CDH20: variants seen among roughly 807,000 people sequenced by gnomAD.
The protein encoded by CDH20 is cadherin-20.
In CDH20, 29 loss-of-function variants were observed where a neutral mutation model predicts 74.2. That is an observed-to-expected ratio of 0.39 (90% CI 0.29 to 0.53). CDH20 has a LOEUF of 0.53. Among genes scored for constraint, CDH20 ranks in the 20% least tolerant of loss-of-function variants. CDH20 has a pLI of 0.69. For missense variants in CDH20, 988 were observed against 1,048.3 expected (o/e 0.94, Z 0.79); for synonymous variants, 469 against 405.4 (o/e 1.16, Z -1.88).
intron 1 of CDH20, among the ~76,000 whole-genome samples, chr18:61,382,522 T>A (rs1911466415): frequency 2.0e-5 from 3 of 152,192 alleles, no homozygotes; most frequent in Non-Finnish European, 4.4e-5. Flanking sequence ...GGGCTTTAAA[T>A]GTGGTAACAG....
At chr18:61,372,898 T>C (rs1246983368) in intron 1 of CDH20, among the ~76,000 whole-genome samples, 1 of 152,142 alleles carries the variant, frequency 6.6e-6, no homozygotes, top group Non-Finnish European at 1.5e-5. Flanking sequence ...GTATATTCTC[T>C]GTCCATGATA....
intron 1 of CDH20, among the ~76,000 whole-genome samples, chr18:61,454,009 T>C (rs1457115724): frequency 6.6e-6 from 1 of 152,166 alleles, no homozygotes; most frequent in African/African-American, 2.4e-5. Flanking sequence ...CTGATTGGTG[T>C]ATGGCACTAT....
intron 1 of CDH20, among the ~76,000 whole-genome samples, chr18:61,394,922 G>T (rs748430618): frequency 6.6e-6 from 1 of 151,724 alleles, no homozygotes; most frequent in Non-Finnish European, 1.5e-5. Context: ...CCTTTTCTTA[G>T]AATGGTTCTT....
intron 6 of CDH20, among the ~76,000 whole-genome samples, chr18:61,510,387 A>G (rs2144335613): frequency 6.6e-6 from 1 of 152,344 alleles, no homozygotes; most frequent in East Asian, 1.9e-4. Context: ...AAATGCTGCT[A>G]CAGGTCAAAT....
chr18:61,515,583 G>A (rs1268966923), intron 6 of CDH20, among the ~76,000 whole-genome samples: 2 of 151,674 alleles, frequency 1.3e-5, no homozygotes, highest in African/African-American at 2.4e-5. Flanking sequence ...TATACACCAT[G>A]GAATACTATG....
At chr18:61,515,953 T>G (rs1233346) in intron 6 of CDH20, among the ~76,000 whole-genome samples, 150,380 of 152,220 alleles carry the variant, frequency 0.99, 74,310 homozygotes, top group Middle Eastern at 1. Context: ...AAAGACATTT[T>G]AGAAGGCAAT....
chr18:61,499,259 T>TTACC lies in CDH20; in HGVS notation c.321_324dup (p.Ile109TyrfsTer53). The TTACC allele has an allele frequency of 6.2e-7, 1 of 1,613,664 alleles. No individual in the cohort carries two copies. Among genetic ancestry groups the TTACC allele is most frequent in the Non-Finnish European group, 8.5e-7 (1 of 1,179,658 alleles). ...TCGGGAGAAGGTGCTGGCATCGTGT[T>TTACC]TACCATCGACGACACCACTGGAGAC... On this transcript the variant is annotated frameshift_variant, in exon 3 of 12. Coordinates refer to ENST00000262717, the MANE Select transcript of CDH20 (RefSeq NM_031891.4). LOFTEE classifies it high-confidence loss of function.
chr18:61,484,830 A>G (rs948401881), intron 1 of CDH20, among the ~76,000 whole-genome samples: 2 of 151,710 alleles, frequency 1.3e-5, no homozygotes, highest in African/African-American at 4.8e-5. Flanking sequence ...CTAAACTGCA[A>G]TTAAGCTACT....
intron 1 of CDH20, among the ~76,000 whole-genome samples, chr18:61,484,847 C>T (rs1165087975): frequency 1.3e-5 from 2 of 152,024 alleles, no homozygotes; most frequent in African/African-American, 4.8e-5. Context: ...TACTGTTTAC[C>T]TTCCCCTTAC....
intron 1 of CDH20, among the ~76,000 whole-genome samples, chr18:61,338,440 G>C (rs1202081488): frequency 6.6e-6 from 1 of 152,068 alleles, no homozygotes; most frequent in Non-Finnish European, 1.5e-5. Context: ...AGAACCCTGA[G>C]AAGATTCAAC....
chr18:61,525,464 A>G (rs1912362963), intron 6 of CDH20, among the ~76,000 whole-genome samples: 1 of 152,218 alleles, frequency 6.6e-6, no homozygotes, highest in Non-Finnish European at 1.5e-5. Context: ...GGGAGCAAGC[A>G]TTAAATGAAT....
chr18:61,520,974 A>G (rs1912183928), intron 6 of CDH20, among the ~76,000 whole-genome samples: 1 of 151,284 alleles, frequency 6.6e-6, no homozygotes, highest in African/African-American at 2.5e-5. Flanking sequence ...GAAAGTGGGA[A>G]AGATCTAAAA....
chr18:61,519,122 T>C (rs1912102960), intron 6 of CDH20, among the ~76,000 whole-genome samples: 1 of 151,222 alleles, frequency 6.6e-6, no homozygotes, highest in African/African-American at 2.5e-5. Context: ...TGGGACTACA[T>C]GAAAAGACCA....
chr18:61,390,543 G>T (rs1911747130), intron 1 of CDH20, among the ~76,000 whole-genome samples: 1 of 152,122 alleles, frequency 6.6e-6, no homozygotes, highest in Admixed American at 6.5e-5. Flanking sequence ...TGACAAAGAA[G>T]AATAATGTGG....
At chr18:61,477,581 C>G (rs1024143249) in intron 1 of CDH20, among the ~76,000 whole-genome samples, 1 of 152,102 alleles carries the variant, frequency 6.6e-6, no homozygotes, top group Non-Finnish European at 1.5e-5. Context: ...CATAGTATTC[C>G]GATGCATGAG....
chr18:61,356,111 T>G (rs900033911), intron 1 of CDH20, among the ~76,000 whole-genome samples: 2 of 152,244 alleles, frequency 1.3e-5, no homozygotes, highest in Non-Finnish European at 2.9e-5. Context: ...CCAAGGGTTC[T>G]CCAGCTTTAA....
At chr18:61,337,587 C>G (rs2084017755) in intron 1 of CDH20, among the ~76,000 whole-genome samples, 1 of 152,148 alleles carries the variant, frequency 6.6e-6, no homozygotes, top group Non-Finnish European at 1.5e-5. Flanking sequence ...TATTTTCATA[C>G]TAATTTAGTG....
At position 61,404,727 on chromosome 18, in the gene CDH20, GA is replaced by G. The variant is rs367937818; in HGVS notation, c.-153+70906del. ...GATGGGACCTTTAAAAATGGAGCAT[GA>G]AAAAAGAGACCCTTTTCCTTGGCAG... On this transcript the variant is annotated intron_variant, in intron 1 of 11. Coordinates refer to ENST00000262717, the MANE Select transcript of CDH20 (RefSeq NM_031891.4). The G allele has an allele frequency of 2.9e-5, 9 of 309,450 alleles. No homozygotes were observed. In the East Asian group the frequency reaches 7.8e-4, roughly 27 times the overall value. The allele number at this position is 309,450 out of a possible 1,614,324, so 19.2% of individuals were successfully genotyped here.
chr18:61,544,979 GCT>G (rs1474903099), intron 9 of CDH20, 46 bp from the exon 10 acceptor site: 1 of 1,278,946 alleles, frequency 7.8e-7, no homozygotes, highest in East Asian at 2.3e-5. Flanking sequence ...GGGCCCTGGT[GCT>G]TTTTCCTTTG....
Sources: allele counts gnomAD v4.1 joint callset (sites outside exome capture counted in the v4.1 genomes callset), GRCh38; gene constraint gnomAD v4.1.1; transcripts MANE v1.5; gene names NCBI Gene and HGNC (gene_info 2026-07-23, HGNC 2026-07-21).